P4HA1: variants seen among roughly 807,000 people sequenced by gnomAD.
P4HA1 encodes prolyl 4-hydroxylase subunit alpha-1.
P4HA1 carries 24 observed loss-of-function variants against 72.8 expected under a neutral mutation model. The observed-to-expected ratio is 0.33, with a 90% CI of 0.24 to 0.46. P4HA1 has a LOEUF of 0.46. Among genes scored for constraint, P4HA1 ranks in the 20% least tolerant of loss-of-function variants. The pLI, the probability that P4HA1 is intolerant of heterozygous loss-of-function variation, is 1.00. For missense variants in P4HA1, 446 were observed against 640.6 expected (o/e 0.70, Z 3.28); for synonymous variants, 201 against 218.8 (o/e 0.92, Z 0.72).
intron 1 of P4HA1, among the ~76,000 whole-genome samples, chr10:73,092,679 TA>T (rs74340982): frequency 0.11 from 15,327 of 140,996 alleles, 1,124 homozygotes; most frequent in East Asian, 0.3. Flanking sequence ...GCCCTGTCTC[TA>T]AAAAAAAAAA....
At chr10:73,090,930 C>T (rs900062745) in intron 1 of P4HA1, among the ~76,000 whole-genome samples, 12 of 151,406 alleles carry the variant, frequency 7.9e-5, no homozygotes, top group African/African-American at 1.9e-4. Context: ...GGCGTGGTGG[C>T]GGGTGCCTGT....
intron 10 of P4HA1, among the ~76,000 whole-genome samples, chr10:73,028,744 T>C (rs1269054953): frequency 2.6e-5 from 4 of 151,856 alleles, no homozygotes; most frequent in Non-Finnish European, 4.4e-5. Context: ...CAACAGTTTA[T>C]TATTTAAAGT....
chr10:73,008,528 C>T (rs1421688027), intron 14 of P4HA1, among the ~76,000 whole-genome samples: 3 of 152,130 alleles, frequency 2.0e-5, no homozygotes, highest in Non-Finnish European at 4.4e-5. Context: ...TGTATGTATA[C>T]ACATGTATAT....
Position 73,072,097 on chromosome 10 carries a change from T to C in P4HA1, c.257A>G (p.Lys86Arg), listed in dbSNP as rs1202681583. 6 of 1,612,856 alleles carry C rather than the reference T, an allele frequency of 3.7e-6. No individual in the cohort carries two copies. The highest frequency in any genetic ancestry group is 5.1e-6 in the Non-Finnish European group (6 of 1,178,958). ...GFVGHPVNAFKLMKRLNTEWS... is the reference protein window; with the variant it reads ...GFVGHPVNAFRLMKRLNTEWS... ...CTCAGTATTCAGACGTTTCATTAATTTGAATGCATTTACTGGATGCCCAAC... is the reference window on the plus strand; with the variant it reads ...CTCAGTATTCAGACGTTTCATTAATCTGAATGCATTTACTGGATGCCCAAC... The change falls in exon 4 of 15, where the codon AAA becomes AGA. Residue 86 changes from lysine to arginine, a missense_variant. Transcript: ENST00000394890.
At chr10:73,043,904 C>T (rs1840793104) in intron 9 of P4HA1, 1 of 1,611,352 alleles carries the variant, frequency 6.2e-7, no homozygotes. Context: ...ATACTCTGTA[C>T]TGTGCTGTGG....
chr10:73,028,616 G>A (rs919957365), intron 10 of P4HA1, among the ~76,000 whole-genome samples: 1 of 152,108 alleles, frequency 6.6e-6, no homozygotes, highest in Middle Eastern at 3.4e-3. Context: ...GTATTTTTTA[G>A]TAGAGACGGG....
chr10:73,019,298 C>T (rs1004458037), intron 10 of P4HA1, among the ~76,000 whole-genome samples: 1 of 151,964 alleles, frequency 6.6e-6, no homozygotes, highest in Non-Finnish European at 1.5e-5. Flanking sequence ...CCAACAGAAG[C>T]GGAAAGTTTA....
At chr10:73,020,602 T>G (rs1840111432) in intron 10 of P4HA1, among the ~76,000 whole-genome samples, 1 of 151,950 alleles carries the variant, frequency 6.6e-6, no homozygotes. Flanking sequence ...CCAAAACTCA[T>G]CACAGACATA....
At chr10:73,042,148 G>GT (rs1434366922) in intron 9 of P4HA1, among the ~76,000 whole-genome samples, 3 of 152,004 alleles carry the variant, frequency 2.0e-5, no homozygotes, top group Non-Finnish European at 2.9e-5. Context: ...TCTGTCTTTT[G>GT]TTATAGGGGT....
At position 73,010,481 on chromosome 10, in the gene P4HA1, A is replaced by AT. The variant is rs548429443; in HGVS notation, c.1437+487_1437+488insA. On this transcript the variant is annotated intron_variant, in intron 13 of 14. Transcript: ENST00000394890. ...CAAGATGGAGGGGAAAACACAATGC[A>AT]GAACCCATTTTAGAAATGAAAAATT... Among the ~76,000 whole-genome samples, 28 of 152,358 alleles carry AT rather than the reference A, an allele frequency of 1.8e-4. No homozygotes were observed. In the East Asian group the frequency reaches 5.2e-3, roughly 28 times the overall value.
At chr10:73,067,377 A>G (rs927253843) in intron 5 of P4HA1, among the ~76,000 whole-genome samples, 1 of 152,170 alleles carries the variant, frequency 6.6e-6, no homozygotes, top group African/African-American at 2.4e-5. Context: ...GTTTTCTAAA[A>G]GGAAAAATCA....
chr10:73,076,071 T>C (rs1178279504), intron 1 of P4HA1, among the ~76,000 whole-genome samples: 1 of 151,564 alleles, frequency 6.6e-6, no homozygotes, highest in East Asian at 1.9e-4. Flanking sequence ...CAAGACCCCA[T>C]CTCTAAAAAA....
intron 10 of P4HA1, among the ~76,000 whole-genome samples, chr10:73,029,468 T>TG (rs1016562865): frequency 7.9e-5 from 12 of 151,308 alleles, no homozygotes; most frequent in African/African-American, 2.7e-4. Flanking sequence ...ATAAAGGCAT[T>TG]GGTTTTTTTA....
intron 12 of P4HA1, among the ~76,000 whole-genome samples, chr10:73,012,363 T>G (rs535861642): frequency 1.4e-4 from 22 of 152,286 alleles, no homozygotes; most frequent in Admixed American, 3.3e-4. Context: ...CATATCCCAC[T>G]TAAAATTGGG....
At chr10:73,092,267 TCTC>T (rs1253520176) in intron 1 of P4HA1, among the ~76,000 whole-genome samples, 2 of 152,052 alleles carry the variant, frequency 1.3e-5, no homozygotes, top group African/African-American at 4.8e-5. Flanking sequence ...ATGTCCTACT[TCTC>T]CTATGAAACA....
intron 3 of P4HA1, among the ~76,000 whole-genome samples, chr10:73,072,789 AG>A (rs1841595668): frequency 6.6e-6 from 1 of 152,222 alleles, no homozygotes; most frequent in Non-Finnish European, 1.5e-5. Flanking sequence ...ATGGGAGTAA[AG>A]GATAAGTAGA....
At chr10:73,074,482 T>A (rs1841646116) in intron 2 of P4HA1, among the ~76,000 whole-genome samples, 1 of 151,984 alleles carries the variant, frequency 6.6e-6, no homozygotes, top group Admixed American at 6.6e-5. Flanking sequence ...AAATATTTTT[T>A]AAGTTATAAA....
intron 10 of P4HA1, among the ~76,000 whole-genome samples, chr10:73,017,900 T>A (rs1282119877): frequency 2.0e-5 from 3 of 152,072 alleles, no homozygotes; most frequent in Non-Finnish European, 4.4e-5. Flanking sequence ...GCTGACAAAA[T>A]CAAAGGAGAA....
At chr10:73,091,234 G>C (rs1589634520) in intron 1 of P4HA1, among the ~76,000 whole-genome samples, 1 of 151,992 alleles carries the variant, frequency 6.6e-6, no homozygotes, top group African/African-American at 2.4e-5. Flanking sequence ...CATAGGGCAA[G>C]AACAAAGGTC....
Sources: gnomAD v4.1 joint callset for allele counts (sites outside exome capture counted in the v4.1 genomes callset) on GRCh38, gnomAD v4.1.1 for gene constraint, MANE v1.5 for transcripts, NCBI Gene and HGNC (gene_info 2026-07-23, HGNC 2026-07-21) for gene names.